ABCB7: variants seen among roughly 807,000 people sequenced by gnomAD.
The protein encoded by ABCB7 is iron-sulfur clusters transporter ABCB7, mitochondrial.
Under a neutral mutation model 54.4 loss-of-function variants are expected in ABCB7, and 7 were observed. The ratio of observed to expected loss-of-function variants is 0.13; its 90% CI spans 0.07 to 0.24. The LOEUF is 0.24. Ranked by LOEUF, ABCB7 falls within the 10% of genes least tolerant of loss-of-function variation. ABCB7 has a pLI of 1.00. For missense variants in ABCB7, 356 were observed against 570.4 expected, an observed-to-expected ratio of 0.62 and a Z score of 3.83; for synonymous variants, 218 against 207.1, an observed-to-expected ratio of 1.05 and a Z score of -0.45.
intron 15 of ABCB7, among the ~76,000 whole-genome samples, chrX:75,058,576 G>GT (rs1343838757): frequency 8.9e-6 from 1 of 111,736 alleles, no homozygotes; most frequent in Non-Finnish European, 1.9e-5. Flanking sequence ...ATGAAAATCT[G>GT]TTATCTTCAT....
At chrX:75,123,494 C>T (rs1405198426) in intron 1 of ABCB7, among the ~76,000 whole-genome samples, 1 of 111,635 alleles carries the variant, frequency 9.0e-6, no homozygotes, top group Non-Finnish European at 1.9e-5. Context: ...CTCAAGATTG[C>T]TTTGGCTATT....
Position 75,070,475 on chromosome X carries a change from GA to G in ABCB7, c.1254del (p.Gln419SerfsTer6). On this transcript the variant is annotated frameshift_variant, in exon 10 of 16. Transcript: ENST00000373394. LOFTEE classifies it high-confidence loss of function. ...AGAAAGTTCAGGGGTAATGAAAGCT[GA>G]AAAAGCAGTCCATTCACCATTACTA... ...GDLVMVNGLL[F>X]QLSLPLNFLG... 1 of 1,210,280 alleles carries G rather than the reference GA, an allele frequency of 8.3e-7. No individual in the cohort carries two copies.
chrX:75,127,361 C>T (rs937296637), intron 1 of ABCB7, among the ~76,000 whole-genome samples: 2 of 111,651 alleles, frequency 1.8e-5, no homozygotes, highest in Non-Finnish European at 3.8e-5. Context: ...TTCAACACCC[C>T]TTCATGCCAA....
At chrX:75,113,105 G>C (rs1214908179) in intron 2 of ABCB7, 133 bp from the exon 3 acceptor site, 2 of 519,055 alleles carry the variant, frequency 3.9e-6, no homozygotes, top group Non-Finnish European at 6.7e-6. Context: ...GTCTGGCATA[G>C]TAAAGCAAAA....
At chrX:75,080,226 G>A (rs2147477602) in intron 4 of ABCB7, among the ~76,000 whole-genome samples, 1 of 112,042 alleles carries the variant, frequency 8.9e-6, no homozygotes, top group East Asian at 2.8e-4. Context: ...AGACCCAAGA[G>A]TCCAATTGCT....
intron 4 of ABCB7, among the ~76,000 whole-genome samples, chrX:75,093,012 T>C (rs2081557415): frequency 8.9e-6 from 1 of 111,983 alleles, no homozygotes; most frequent in African/African-American, 3.2e-5. Flanking sequence ...GGCAGTTTCA[T>C]ACAAAACAAA....
At chrX:75,110,420 T>G (rs912702469) in intron 3 of ABCB7, among the ~76,000 whole-genome samples, 2 of 111,781 alleles carry the variant, frequency 1.8e-5, no homozygotes, top group Non-Finnish European at 3.8e-5. Context: ...AATCTTCCAA[T>G]TTTTAATCCT....
Position 75,125,110 on chromosome X carries a change from G to A in ABCB7, c.169-10279C>T, listed in dbSNP as rs570883635. Among the ~76,000 whole-genome samples the A allele has an allele frequency of 1.3e-4, 15 of 111,243 alleles. No individual in the cohort carries two copies. In the South Asian group the frequency reaches 4.9e-3, roughly 36 times the overall value. ...TTGCCACTGGTGATTAAATTACCTC[G>A]AAAATTATTTGAAACTCATATAAGA... is the stretch of plus-strand genomic sequence containing the variant. On this transcript the variant is annotated intron_variant, in intron 1 of 15. Transcript: ENST00000373394.
At chrX:75,092,376 G>GA (rs201431488) in intron 4 of ABCB7, among the ~76,000 whole-genome samples, 15 of 107,261 alleles carry the variant, frequency 1.4e-4, no homozygotes, top group Middle Eastern at 4.7e-3. Context: ...CATGCCAATG[G>GA]AAAAAAAAAG....
intron 15 of ABCB7, 134 bp downstream of exon 15, chrX:75,060,089 A>G (rs1402989737): frequency 3.8e-6 from 2 of 519,689 alleles, no homozygotes; most frequent in Non-Finnish European, 6.6e-6. Flanking sequence ...TTTCCAATCA[A>G]AAGGGGCTAA....
chrX:75,055,844 T>G (rs2081235618), intron 15 of ABCB7, among the ~76,000 whole-genome samples: 1 of 108,615 alleles, frequency 9.2e-6, no homozygotes. Context: ...TTCTGATTAT[T>G]AGATTCAGGC....
chrX:75,122,614 T>G (rs1334242791), intron 1 of ABCB7, among the ~76,000 whole-genome samples: 4 of 112,317 alleles, frequency 3.6e-5, no homozygotes, highest in Non-Finnish European at 7.5e-5. Flanking sequence ...CAAAATGGTT[T>G]TCTCAATGTA....
At chrX:75,073,839 T>A (rs754011497) in intron 7 of ABCB7, 29 bp downstream of exon 7, 4 of 1,197,165 alleles carry the variant, frequency 3.3e-6, no homozygotes, top group Non-Finnish European at 3.4e-6. Context: ...AATTTCTAAA[T>A]TTTATGTGGC....
intron 1 of ABCB7, among the ~76,000 whole-genome samples, chrX:75,128,088 A>T (rs1359681066): frequency 8.9e-6 from 1 of 111,792 alleles, no homozygotes; most frequent in Non-Finnish European, 1.9e-5. Flanking sequence ...CACAGAATTC[A>T]AAAGAACTAC....
rs2081212005 is a variant in ABCB7 at position 75,053,558 on chromosome X, G to C, written c.2071C>G (p.His691Asp). The C allele has an allele frequency of 8.4e-7, 1 of 1,196,866 alleles. No homozygotes were observed. The highest frequency in any genetic ancestry group is 3.0e-5 in the East Asian group (1 of 33,392). Residue 691 changes from histidine to aspartate, a missense_variant, in exon 16 of 16, where the codon CAT becomes GAT. Physicochemically the swap from His to Asp is moderately conservative, Grantham distance 81 (BLOSUM62 -1). Around this residue, in one of 2 missense-constraint regions of ABCB7, gnomAD observed 241 missense variants for 470.9 expected, o/e 0.51. Coordinates refer to ENST00000373394, the MANE Select transcript of ABCB7 (RefSeq NM_001271696.3). ...CTATGAGGGTTAGCAAGCAAACCAT[G>C]GTGGGTACCACGTTCGGCTACCTTA... The part of the protein sequence containing the change: ...QGKVAERGTH[H>D]GLLANPHSIY...
rs760318766 is a variant in ABCB7, at chrX:75,076,408, C to A, written c.586+114G>T. 2.7e-5 allele frequency: 26 copies of A among 973,130 alleles called. No homozygotes were observed. In the East Asian group the frequency reaches 7.6e-4, roughly 28 times the overall value. 80.2% of individuals were successfully genotyped at this position (973,130 alleles called of 1,213,427 possible). A position where few individuals can be genotyped will look rare whatever the true frequency, so the allele number is the denominator to read the frequency against. On this transcript the variant is annotated intron_variant, in intron 5 of 15. Coordinates refer to ENST00000373394, the MANE Select transcript of ABCB7 (RefSeq NM_001271696.3). ...ATACAAAACATCTCACATAAAACAA[C>A]AAACATCCAAAACGCTAAGTTGTGT...
chrX:75,150,148 G>A (rs956896743), intron 1 of ABCB7, among the ~76,000 whole-genome samples: 2 of 111,579 alleles, frequency 1.8e-5, no homozygotes, highest in African/African-American at 6.5e-5. Flanking sequence ...CATGCATAAA[G>A]TAATAAGGGT....
chrX:75,098,317 A>G (rs940414118), intron 4 of ABCB7, among the ~76,000 whole-genome samples: 6 of 109,919 alleles, frequency 5.5e-5, no homozygotes, highest in African/African-American at 2.0e-4. Flanking sequence ...TCAAAAAAAA[A>G]AAAAAGAAAA....
intron 1 of ABCB7, among the ~76,000 whole-genome samples, chrX:75,121,199 G>C (rs1175999105): frequency 7.5e-5 from 8 of 107,315 alleles, no homozygotes; most frequent in African/African-American, 2.7e-4. Context: ...TGAGGCAGGA[G>C]AATCACTTTA....
Sources: gnomAD v4.1 joint callset for allele counts (sites outside exome capture counted in the v4.1 genomes callset) on GRCh38, gnomAD v4.1.1 for gene constraint, gnomAD v4.1.1 regional missense constraint, MANE v1.5 for transcripts, NCBI Gene and HGNC (gene_info 2026-07-23, HGNC 2026-07-21) for gene names.